Variants in WDR33 observed in about 807,000 individuals in gnomAD.
WDR33 encodes pre-mRNA 3' end processing protein WDR33.
In WDR33, 47 loss-of-function variants were observed where a neutral mutation model predicts 164.9. The ratio of observed to expected loss-of-function variants is 0.29; its 90% CI spans 0.23 to 0.36. The LOEUF (loss-of-function observed/expected upper bound fraction) is 0.36, where lower values mean the gene tolerates loss of function less well. WDR33 is among the 10% of genes least tolerant of loss of function. WDR33 has a pLI of 1.00. For synonymous variants in WDR33, 505 were observed against 589.0 expected (o/e 0.86, Z 2.06); for missense variants, 1,137 against 1,754.1 (o/e 0.65, Z 6.28).
intron 1 of WDR33, among the ~76,000 whole-genome samples, chr2:127,786,162 T>C (rs1217467439): frequency 1.3e-5 from 2 of 152,170 alleles, no homozygotes; most frequent in East Asian, 3.8e-4. Context: ...GCCTCCTGAG[T>C]AGCTAAGCCC....
Position 127,770,871 on chromosome 2 carries a change from T to C in WDR33, c.111A>G (p.Ala37=), listed in dbSNP as rs1442084744. Reference sequence around the variant, plus strand: ...TTCCATCAAAAGTAAGCTGTTGCATTGCTTGCTGTTGTGCAAAATCAGGTC... The same window carrying C: ...TTCCATCAAAAGTAAGCTGTTGCATCGCTTGCTGTTGTGCAAAATCAGGTC... ...YKRPDFAQQQ[A]MQQLTFDGKR... Residue 37 remains alanine (A), a synonymous_variant, in exon 2 of 22, where the codon GCA becomes GCG. Coordinates refer to ENST00000322313, the MANE Select transcript of WDR33 (RefSeq NM_018383.5). The surrounding 1 kb of genome is among the most constrained non-coding windows in gnomAD (Gnocchi z 4.9). 1 of 1,614,172 alleles carries C rather than the reference T, an allele frequency of 6.2e-7. No homozygotes were observed. Among genetic ancestry groups the C allele is most frequent in the African/African-American group, 1.3e-5 (1 of 75,030 alleles).
chr2:127,758,761 C>A (rs1458853981), intron 7 of WDR33, among the ~76,000 whole-genome samples: 3 of 152,122 alleles, frequency 2.0e-5, no homozygotes, highest in Non-Finnish European at 4.4e-5. Flanking sequence ...CTTCCATATG[C>A]CCATAAAACT....
chr2:127,767,078 T>C (rs1353231048), intron 4 of WDR33, among the ~76,000 whole-genome samples: 2 of 152,114 alleles, frequency 1.3e-5, no homozygotes, highest in African/African-American at 4.8e-5. Flanking sequence ...CTCAGGCAAA[T>C]AAGAGGCCTA....
At position 127,709,500 on chromosome 2, in the gene WDR33, G is replaced by C. The variant is rs150917363; in HGVS notation, c.3555C>G (p.Asn1185Lys). ...GGRKPDSWDGNREPGPGHEHF... is the reference protein window; with the variant it reads ...GGRKPDSWDGKREPGPGHEHF... Reference sequence around the variant, plus strand: ...GGTTCTTTTCCTTACCAGGCTCTCTGTTTCCATCCCAGGAATCTGGCTTCC... The same window carrying C: ...GGTTCTTTTCCTTACCAGGCTCTCTCTTTCCATCCCAGGAATCTGGCTTCC... Residue 1185 changes from asparagine to lysine, a missense_variant, in exon 20 of 22, where the codon AAC (asparagine) becomes AAG (lysine). By Grantham distance (94) the Asn-to-Lys change is moderately conservative (BLOSUM62 0). This residue lies in a region of WDR33 where 867 missense variants were observed against 1,073.0 expected (regional missense o/e 0.81). Coordinates refer to ENST00000322313, the MANE Select transcript of WDR33 (RefSeq NM_018383.5). The surrounding 1 kb of genome is among the most constrained non-coding windows in gnomAD (Gnocchi z 5.0). 1.3e-5 allele frequency: 21 copies of C among 1,614,072 alleles called. No homozygotes were observed. In the African/African-American group the frequency reaches 2.4e-4, roughly 18 times the overall value.
In WDR33 at chr2:127,718,175, A is replaced by G. The variant is rs1466355168; in HGVS notation, c.2761-912T>C. ...CCTACTTTAGAATAGTAGATAATTT[A>G]TTTGTTTTAGCTTAGTAGTTGAGTT... On this transcript the variant is annotated intron_variant, in intron 16 of 21. Coordinates refer to ENST00000322313, the MANE Select transcript of WDR33 (RefSeq NM_018383.5). This position sits in a 1 kb window ranked among gnomAD's most constrained non-coding sequence, Gnocchi z 4.4. 6.6e-6 allele frequency among the ~76,000 whole-genome samples: 1 copy of G among 152,118 alleles called. No homozygotes were observed. The highest frequency in any genetic ancestry group is 1.9e-4 in the East Asian group (1 of 5,194).
chr2:127,751,388 A>T (rs868317979), intron 7 of WDR33, among the ~76,000 whole-genome samples: 3 of 128,814 alleles, frequency 2.3e-5, no homozygotes, highest in Non-Finnish European at 3.4e-5. Flanking sequence ...AATAATAATA[A>T]TAATAATAAT....
intron 7 of WDR33, among the ~76,000 whole-genome samples, chr2:127,755,914 A>G (rs1039913490): frequency 2.6e-5 from 4 of 152,204 alleles, no homozygotes; most frequent in African/African-American, 9.6e-5. Flanking sequence ...TAATGTTTCA[A>G]TATGGTAGAA....
rs1465525759 is a variant in WDR33, at chr2:127,723,328, G to A, written c.1216C>T (p.Arg406Ter). The change falls in exon 12 of 22, where the codon CGA becomes TGA. Residue 406 changes from arginine to a stop codon, truncating the protein, a stop_gained. Transcript: ENST00000322313. LOFTEE classifies it high-confidence loss of function. The surrounding 1 kb of genome is among the most constrained non-coding windows in gnomAD (Gnocchi z 5.9). ...CGATCTCGCATTTTATCACCTGGTC[G>A]GTTTCGAGTCCAGAATTTGCTGTAA... ...DHTSKFWTRNRPGDKMRDRYN... is the reference protein window; with the variant it reads ...DHTSKFWTRN The A allele has an allele frequency of 2.5e-6, 4 of 1,613,612 alleles. No homozygotes were observed. The highest frequency in any genetic ancestry group is 3.4e-6 in the Non-Finnish European group (4 of 1,179,948).
At chr2:127,734,313 T>C (rs1686785965) in intron 7 of WDR33, among the ~76,000 whole-genome samples, 1 of 152,196 alleles carries the variant, frequency 6.6e-6, no homozygotes, top group African/African-American at 2.4e-5. Context: ...TGAGTTTGCA[T>C]CATTCCTTAG....
chr2:127,807,050 G>A (rs1689463173), intron 1 of WDR33, among the ~76,000 whole-genome samples: 2 of 152,192 alleles, frequency 1.3e-5, no homozygotes, highest in Non-Finnish European at 2.9e-5. Flanking sequence ...TTGTTGCCCA[G>A]GCTGAAGTAC....
intron 1 of WDR33, among the ~76,000 whole-genome samples, chr2:127,798,617 A>G (rs896712667): frequency 1.3e-5 from 2 of 152,014 alleles, no homozygotes; most frequent in African/African-American, 2.4e-5. Context: ...GTTCCTCAGT[A>G]TATCTGGAAT....
chr2:127,736,882 T>C, intron 7 of WDR33: 1 of 985,444 alleles, frequency 1.0e-6, no homozygotes. Flanking sequence ...AAGTGCACAA[T>C]TTCCATTTGA....
At position 127,733,018 on chromosome 2, in the gene WDR33, A is replaced by G. The variant is rs532390547; in HGVS notation, c.725-6241T>C. ...AAGAATGTAGTGTTTGTAATACTGC[A>G]AGAATACAGACTTAATGGAAAATTC... is the stretch of plus-strand genomic sequence containing the variant. On this transcript the variant is annotated intron_variant, in intron 7 of 21. Transcript: ENST00000322313. Among the ~76,000 whole-genome samples, 194 of 152,314 alleles carry G rather than the reference A, an allele frequency of 1.3e-3. 1 individual carries two copies. Among genetic ancestry groups the G allele is most frequent in the African/African-American group, 4.4e-3 (181 of 41,582 alleles).
chr2:127,800,828 A>G (rs1689211703), intron 1 of WDR33, among the ~76,000 whole-genome samples: 1 of 152,172 alleles, frequency 6.6e-6, no homozygotes, highest in Non-Finnish European at 1.5e-5. Flanking sequence ...TTAAGACAGA[A>G]ATCTCCTTCC....
rs573934013 is a variant in WDR33, at chr2:127,713,481, T to C, written c.3308+102A>G. ...CAGAGTGCAGGGCTGGTAATTGATA[T>C]AATTCTCTTTCCTCAAGAAAAAGAA... is the stretch of plus-strand genomic sequence containing the variant. On this transcript the variant is annotated intron_variant, in intron 18 of 21. Coordinates refer to ENST00000322313, the MANE Select transcript of WDR33 (RefSeq NM_018383.5). This position sits in a 1 kb window ranked among gnomAD's most constrained non-coding sequence, Gnocchi z 6.2. 126 of 1,349,860 alleles carry C rather than the reference T, an allele frequency of 9.3e-5. 1 individual carries two copies. In the African/African-American group the frequency reaches 1.1e-3, roughly 12 times the overall value. The allele number at this position is 1,349,860 out of a possible 1,614,324, so 83.6% of individuals were successfully genotyped here.
At position 127,763,287 on chromosome 2, in the gene WDR33, A is replaced by C; in HGVS notation, c.627-128T>G. 1 of 1,489,474 alleles carries C rather than the reference A, an allele frequency of 6.7e-7. No homozygotes were observed. The highest frequency in any genetic ancestry group is 1.3e-5 in the South Asian group (1 of 74,198). 92.3% of individuals were successfully genotyped at this position (1,489,474 alleles called of 1,614,324 possible). On this transcript the variant is annotated intron_variant, in intron 6 of 21. Transcript: ENST00000322313. The surrounding 1 kb of genome is among the most constrained non-coding windows in gnomAD (Gnocchi z 4.5). ...CAGGAGAGGGAAGAATCCAGTGAAGAAGCCCTTAAAGTGAATGTCGTCAGC... is the reference window on the plus strand; with the variant it reads ...CAGGAGAGGGAAGAATCCAGTGAAGCAGCCCTTAAAGTGAATGTCGTCAGC...
Position 127,701,584 on chromosome 2 carries a change from G to T in WDR33, c.*4739C>A. 1 of 1,336,106 alleles carries T rather than the reference G, an allele frequency of 7.5e-7. No individual in the cohort carries two copies. Among genetic ancestry groups the T allele is most frequent in the South Asian group, 1.8e-5 (1 of 55,942 alleles). The allele number at this position is 1,336,106 out of a possible 1,614,324, so 82.8% of individuals were successfully genotyped here. On this transcript the variant is annotated 3_prime_UTR_variant, in exon 22 of 22. Transcript: ENST00000322313. Reference sequence around the variant, plus strand: ...TACCTGGCGCAGGGGAAAGCTGGCGGCCCGGCGGCCGCGGAGCCGCTGCTC... The same window carrying T: ...TACCTGGCGCAGGGGAAAGCTGGCGTCCCGGCGGCCGCGGAGCCGCTGCTC...
chr2:127,787,417 C>A lies in WDR33; in HGVS notation c.-23-16413G>T, dbSNP rs923877862. On this transcript the variant is annotated intron_variant, in intron 1 of 21. Transcript: ENST00000322313. ...GGTGGCCGGGCAGAGGGGCTCCTCA[C>A]TTCCCAGTAGGGGTGGCCGGGCAGA... Among the ~76,000 whole-genome samples, 2 of 128,718 alleles carry A rather than the reference C, an allele frequency of 1.6e-5. 1 individual carries two copies. The highest frequency in any genetic ancestry group is 1.4e-4 in the Admixed American group (2 of 13,928). 84.4% of individuals were successfully genotyped at this position (128,718 alleles called of 152,430 possible). A position where few individuals can be genotyped will look rare whatever the true frequency, so the allele number is the denominator to read the frequency against.
intron 1 of WDR33, among the ~76,000 whole-genome samples, chr2:127,784,262 T>C (rs1688482074): frequency 6.6e-6 from 1 of 152,236 alleles, no homozygotes; most frequent in Admixed American, 6.5e-5. Context: ...TTTATACATC[T>C]AGAAAAGAGT....
Sources: gnomAD v4.1 joint callset for allele counts (sites outside exome capture counted in the v4.1 genomes callset) on GRCh38, gnomAD v4.1.1 for gene constraint, gnomAD v4.1.1 regional missense constraint, Gnocchi (gnomAD v3.1) non-coding constraint, MANE v1.5 for transcripts, NCBI Gene and HGNC (gene_info 2026-07-23, HGNC 2026-07-21) for gene names.